The following PTPRT variants were observed in gnomAD, a reference collection of about 807,000 sequenced individuals.
The protein encoded by PTPRT is protein tyrosine phosphatase receptor type T.
A neutral mutation model predicts 176.8 loss-of-function variants in PTPRT; 56 were observed. The ratio of observed to expected loss-of-function variants is 0.32; its 90% CI spans 0.26 to 0.40. The LOEUF (loss-of-function observed/expected upper bound fraction) is 0.40, where lower values mean the gene tolerates loss of function less well. Among genes scored for constraint, PTPRT ranks in the 10% least tolerant of loss-of-function variants. PTPRT has a pLI of 1.00. For synonymous variants in PTPRT, 783 were observed against 739.0 expected (o/e 1.06, Z -0.96); for missense variants, 1,540 against 1,908.2 (o/e 0.81, Z 3.60).
chr20:42,704,255 C>T (rs1370398276), intron 6 of PTPRT, among the ~76,000 whole-genome samples: 1 of 151,956 alleles, frequency 6.6e-6, no homozygotes, highest in African/African-American at 2.4e-5. Context: ...AAACTCCACC[C>T]CCTTGATGTC....
chr20:43,123,386 T>A (rs903073894), intron 1 of PTPRT, among the ~76,000 whole-genome samples: 3 of 152,196 alleles, frequency 2.0e-5, no homozygotes, highest in Non-Finnish European at 4.4e-5. Flanking sequence ...TCTCCTCGAA[T>A]CTACTCTTTC....
At chr20:42,521,783 T>C (rs2072181684) in intron 7 of PTPRT, among the ~76,000 whole-genome samples, 1 of 152,218 alleles carries the variant, frequency 6.6e-6, no homozygotes, top group Non-Finnish European at 1.5e-5. Flanking sequence ...TTGAGTATAA[T>C]AAATATATCA....
chr20:42,040,506 G>T, the PTPRT span, among the ~76,000 whole-genome samples: 13 of 151,924 alleles, frequency 8.6e-5, no homozygotes, highest in African/African-American at 3.1e-4. Flanking sequence ...TTCTCTAAAG[G>T]TGCTCCTAGG....
At chr20:42,199,214 C>A in intron 16 of PTPRT, 26 bp downstream of exon 16, 1 of 1,611,936 alleles carries the variant, frequency 6.2e-7, no homozygotes, top group Non-Finnish European at 8.5e-7. Context: ...ACGGATGTCC[C>A]CTTCCCCTTT....
At chr20:42,399,817 C>G (rs574497446) in intron 9 of PTPRT, among the ~76,000 whole-genome samples, 2 of 152,204 alleles carry the variant, frequency 1.3e-5, no homozygotes, top group African/African-American at 4.8e-5. Flanking sequence ...AAATACAATT[C>G]TCTAGATTCT....
rs369580892 is a variant in PTPRT, at chr20:42,074,526, C to A, written c.*6353G>T. 10 of 364,386 alleles carry A rather than the reference C, an allele frequency of 2.7e-5. No homozygotes were observed. The highest frequency in any genetic ancestry group is 1.5e-4 in the African/African-American group (7 of 48,038). 22.6% of individuals were successfully genotyped at this position (364,386 alleles called of 1,614,324 possible). ...AAGGATCAGAGTCCACATCTCACCA[C>A]CCAGAGCAGTTCTCAGATATAGAAG... is the stretch of plus-strand genomic sequence containing the variant. On this transcript the variant is annotated 3_prime_UTR_variant, in exon 31 of 31. Coordinates refer to ENST00000373187, the MANE Select transcript of PTPRT (RefSeq NM_007050.6).
chr20:42,088,873 T>G (rs964340395), intron 27 of PTPRT, among the ~76,000 whole-genome samples: 9 of 152,220 alleles, frequency 5.9e-5, no homozygotes, highest in Admixed American at 5.2e-4. Flanking sequence ...GTGCCAGGCA[T>G]GGAATAAGCA....
At chr20:42,470,819 C>A (rs1187514493) in intron 8 of PTPRT, among the ~76,000 whole-genome samples, 1 of 149,240 alleles carries the variant, frequency 6.7e-6, no homozygotes, top group Non-Finnish European at 1.5e-5. Context: ...GACAGAGAGG[C>A]AGGAAAAGTT....
At chr20:42,091,153 T>C (rs1187503836) in intron 27 of PTPRT, among the ~76,000 whole-genome samples, 1 of 152,228 alleles carries the variant, frequency 6.6e-6, no homozygotes, top group Non-Finnish European at 1.5e-5. Context: ...TCAGAACAAG[T>C]TAAACCAAGC....
intron 1 of PTPRT, among the ~76,000 whole-genome samples, chr20:42,990,013 C>T (rs781511011): frequency 2.0e-5 from 3 of 152,184 alleles, no homozygotes; most frequent in Non-Finnish European, 2.9e-5. Context: ...TTCTTATAGG[C>T]TTGTCATTAT....
intron 6 of PTPRT, among the ~76,000 whole-genome samples, chr20:42,735,189 C>T (rs6030449): frequency 0.69 from 105,556 of 152,122 alleles, 36,731 homozygotes; most frequent in East Asian, 0.85. Flanking sequence ...GTTTGGAGGG[C>T]TGCTACTTGG....
chr20:42,535,214 C>T (rs1219147244), intron 7 of PTPRT, among the ~76,000 whole-genome samples: 4 of 152,076 alleles, frequency 2.6e-5, no homozygotes, highest in African/African-American at 9.7e-5. Flanking sequence ...CTAAGTGAAC[C>T]AACACAGGAT....
chr20:42,613,416 C>T (rs2074007777), intron 7 of PTPRT, among the ~76,000 whole-genome samples: 2 of 152,208 alleles, frequency 1.3e-5, no homozygotes. Context: ...GGCGAATAGC[C>T]CGTTAAATCC....
intron 1 of PTPRT, among the ~76,000 whole-genome samples, chr20:43,047,227 C>T (rs1986872727): frequency 6.6e-6 from 1 of 152,120 alleles, no homozygotes; most frequent in African/African-American, 2.4e-5. Context: ...CTCAGCAACT[C>T]CCAACTTTTT....
intron 19 of PTPRT, among the ~76,000 whole-genome samples, chr20:42,121,488 A>G (rs1422655980): frequency 1.3e-5 from 2 of 152,168 alleles, no homozygotes; most frequent in African/African-American, 4.8e-5. Context: ...CAAACCAACT[A>G]GGCAGGCAAC....
intron 1 of PTPRT, among the ~76,000 whole-genome samples, chr20:42,947,959 C>A (rs961648212): frequency 6.6e-6 from 1 of 152,184 alleles, no homozygotes; most frequent in Admixed American, 6.5e-5. Flanking sequence ...GCCTGGCACA[C>A]AGTAGGTGCT....
chr20:42,257,656 C>CT (rs1379631907), intron 13 of PTPRT, among the ~76,000 whole-genome samples: 3 of 98,980 alleles, frequency 3.0e-5, no homozygotes, highest in Non-Finnish European at 6.1e-5. Flanking sequence ...CCCCCCCCCC[C>CT]GCCCACTACT....
chr20:42,174,800 T>C (rs533602213), intron 16 of PTPRT, among the ~76,000 whole-genome samples: 1 of 151,964 alleles, frequency 6.6e-6, no homozygotes. Flanking sequence ...GCCTGTGTGA[T>C]TTTGGGCAAG....
At chr20:42,652,776 C>G (rs1340817986) in intron 7 of PTPRT, among the ~76,000 whole-genome samples, 9 of 152,192 alleles carry the variant, frequency 5.9e-5, no homozygotes, top group Non-Finnish European at 1.2e-4. Flanking sequence ...TGCAGATTTC[C>G]TGAACAGTGT....
Sources: allele counts gnomAD v4.1 joint callset (sites outside exome capture counted in the v4.1 genomes callset), GRCh38; gene constraint gnomAD v4.1.1; transcripts MANE v1.5; gene names NCBI Gene and HGNC (gene_info 2026-07-23, HGNC 2026-07-21).